NALF1: variants seen among roughly 807,000 people sequenced by gnomAD.
NALF1 encodes family with sequence similarity 155 member A.
NALF1 carries 3 observed loss-of-function variants against 48.4 expected under a neutral mutation model. The observed-to-expected ratio is 0.06, with a 90% CI of 0.03 to 0.16. The LOEUF (loss-of-function observed/expected upper bound fraction) is 0.16, where lower values mean the gene tolerates loss of function less well. Among genes scored for constraint, NALF1 ranks in the 10% least tolerant of loss-of-function variants. The pLI is 1.00. For synonymous variants in NALF1, 262 were observed against 245.7 expected (o/e 1.07, Z -0.62); for missense variants, 526 against 571.5 (o/e 0.92, Z 0.81).
intron 1 of NALF1, among the ~76,000 whole-genome samples, chr13:107,211,796 C>G (rs945465554): frequency 3.9e-5 from 6 of 152,042 alleles, no homozygotes; most frequent in Admixed American, 2.0e-4. Flanking sequence ...TTATAAATAC[C>G]TAATAATAAC....
In NALF1 at chr13:107,664,976, C is replaced by CA. The variant is rs55837081; in HGVS notation, c.915+200705dup. Among the ~76,000 whole-genome samples, 29 of 149,272 alleles carry CA rather than the reference C, an allele frequency of 1.9e-4. No homozygotes were observed. In the South Asian group the frequency reaches 3.0e-3, roughly 15 times the overall value. Reference sequence around the variant, plus strand: ...ACGTAATAATGATGGGAAAGTGAAACAAAAAAAAAATGTCAAAATTTCCAA... The same window carrying CA: ...ACGTAATAATGATGGGAAAGTGAAACAAAAAAAAAAATGTCAAAATTTCCAA... On this transcript the variant is annotated intron_variant, in intron 1 of 2. Transcript: ENST00000375915.
chr13:107,310,523 T>C (rs1371452569), intron 1 of NALF1, among the ~76,000 whole-genome samples: 1 of 152,098 alleles, frequency 6.6e-6, no homozygotes, highest in Non-Finnish European at 1.5e-5. Context: ...TGAATTTCAT[T>C]ACATCAAATA....
rs959208102 is a variant in NALF1 at position 107,804,450 on chromosome 13, A to C, written c.915+61232T>G. On this transcript the variant is annotated intron_variant, in intron 1 of 2. Coordinates refer to ENST00000375915, the MANE Select transcript of NALF1 (RefSeq NM_001080396.3). Reference sequence around the variant, plus strand: ...AACTTTCTCTGGTCTCTGCCACTATAAACATGTGTCCTATCCTCCTCATAC... The same window carrying C: ...AACTTTCTCTGGTCTCTGCCACTATCAACATGTGTCCTATCCTCCTCATAC... 2.7e-5 allele frequency among the ~76,000 whole-genome samples: 4 copies of C among 149,728 alleles called. No individual in the cohort carries two copies. In the East Asian group the frequency reaches 7.8e-4, roughly 29 times the overall value.
chr13:107,664,151 G>A (rs990453957), intron 1 of NALF1, among the ~76,000 whole-genome samples: 12 of 152,092 alleles, frequency 7.9e-5, no homozygotes, highest in East Asian at 5.8e-4. Context: ...TCCCAAAGTC[G>A]TCTTCATTTC....
chr13:107,280,572 A>G (rs1881367089), intron 1 of NALF1, among the ~76,000 whole-genome samples: 1 of 152,202 alleles, frequency 6.6e-6, no homozygotes, highest in Non-Finnish European at 1.5e-5. Flanking sequence ...CCACCACACT[A>G]TAATCTAGAG....
At chr13:107,710,660 G>C (rs1766757713) in intron 1 of NALF1, among the ~76,000 whole-genome samples, 1 of 149,598 alleles carries the variant, frequency 6.7e-6, no homozygotes, top group South Asian at 2.1e-4. Context: ...GAAGAGCATG[G>C]GGGAAACCAC....
At chr13:107,739,854 T>C (rs975080818) in intron 1 of NALF1, among the ~76,000 whole-genome samples, 2 of 152,270 alleles carry the variant, frequency 1.3e-5, no homozygotes, top group Admixed American at 1.3e-4. Context: ...GCAAACCCTA[T>C]TGTAAACTGC....
chr13:107,243,345 T>C (rs1039127795), intron 1 of NALF1, among the ~76,000 whole-genome samples: 2 of 152,190 alleles, frequency 1.3e-5, no homozygotes, highest in African/African-American at 4.8e-5. Context: ...CTCCTCAGAG[T>C]GAGCCCCTGC....
chr13:107,848,663 C>T (rs1880235914), intron 1 of NALF1, among the ~76,000 whole-genome samples: 1 of 152,118 alleles, frequency 6.6e-6, no homozygotes, highest in African/African-American at 2.4e-5. Flanking sequence ...TGTGTCTCTC[C>T]GTGGCACTTC....
chr13:107,477,983 G>A (rs1274423444), intron 1 of NALF1, among the ~76,000 whole-genome samples: 1 of 152,108 alleles, frequency 6.6e-6, no homozygotes, highest in Non-Finnish European at 1.5e-5. Flanking sequence ...GTCACAGAAA[G>A]TGTATGATTT....
chr13:107,347,965 A>G (rs1485669517), intron 1 of NALF1, among the ~76,000 whole-genome samples: 2 of 152,070 alleles, frequency 1.3e-5, no homozygotes, highest in Non-Finnish European at 2.9e-5. Flanking sequence ...CGCTTGTCAC[A>G]CCTCTCCGCA....
At chr13:107,728,876 T>C (rs1594231760) in intron 1 of NALF1, among the ~76,000 whole-genome samples, 1 of 152,110 alleles carries the variant, frequency 6.6e-6, no homozygotes, top group East Asian at 1.9e-4. Flanking sequence ...TCATAGCCAA[T>C]AGGTCAAAAA....
rs147065170 is a variant in NALF1, at chr13:107,467,839, G to A, written c.916-257084C>T. On this transcript the variant is annotated intron_variant, in intron 1 of 2. Transcript: ENST00000375915. ...GTGGATCATGAGGTCAGGAGACGGA[G>A]ACCATTCTGGCTAACATGGTGAAAC... is the stretch of plus-strand genomic sequence containing the variant. Among the ~76,000 whole-genome samples the A allele has an allele frequency of 1.8e-4, 28 of 152,178 alleles. 1 individual carries two copies. The highest frequency in any genetic ancestry group is 3.4e-3 in the Middle Eastern group (1 of 294).
intron 1 of NALF1, among the ~76,000 whole-genome samples, chr13:107,643,303 G>C (rs1880213009): frequency 6.6e-6 from 1 of 152,148 alleles, no homozygotes; most frequent in Non-Finnish European, 1.5e-5. Flanking sequence ...AATGAAATTA[G>C]AGATAAGAAA....
chr13:107,825,383 A>G (rs931373241), intron 1 of NALF1, among the ~76,000 whole-genome samples: 3 of 152,194 alleles, frequency 2.0e-5, no homozygotes, highest in African/African-American at 7.2e-5. Flanking sequence ...TTTCATATCA[A>G]ATGTCATGTG....
intron 1 of NALF1, among the ~76,000 whole-genome samples, chr13:107,325,887 TACACACACACACACACAC>T (rs1555332567): frequency 2.0e-4 from 12 of 58,900 alleles, no homozygotes; most frequent in East Asian, 4.7e-4. Flanking sequence ...TATATATATA[TACACACACACACACACAC>T]ACATATATAC....
At chr13:107,786,783 C>A (rs2138583554) in intron 1 of NALF1, among the ~76,000 whole-genome samples, 1 of 152,276 alleles carries the variant, frequency 6.6e-6, no homozygotes, top group Admixed American at 6.5e-5. Context: ...TGCCTGACCT[C>A]AGGCTCTTCT....
chr13:107,382,249 A>T (rs1033990703), intron 1 of NALF1, among the ~76,000 whole-genome samples: 1 of 152,248 alleles, frequency 6.6e-6, no homozygotes, highest in African/African-American at 2.4e-5. Context: ...TACATGGTAC[A>T]TGTATGACAG....
intron 1 of NALF1, among the ~76,000 whole-genome samples, chr13:107,639,731 G>C (rs1359029167): frequency 1.3e-5 from 2 of 152,074 alleles, no homozygotes; most frequent in African/African-American, 4.8e-5. Flanking sequence ...CTCAACTCAG[G>C]CATGATGCCA....
Sources: gnomAD v4.1 joint callset for allele counts (sites outside exome capture counted in the v4.1 genomes callset) on GRCh38, gnomAD v4.1.1 for gene constraint, MANE v1.5 for transcripts, NCBI Gene and HGNC (gene_info 2026-07-23, HGNC 2026-07-21) for gene names.